Variants in CABIN1 observed in about 807,000 individuals in gnomAD.
CABIN1 encodes calcineurin-binding protein cabin-1.
In CABIN1, 133 loss-of-function variants were observed where a neutral mutation model predicts 227.7. The observed-to-expected ratio is 0.58, with a 90% CI of 0.51 to 0.67. CABIN1 has a LOEUF of 0.67. CABIN1 is among the 30% of genes least tolerant of loss of function. The probability of loss-of-function intolerance (pLI) is 0.00; values close to 1 mark genes in which losing one functional copy is unlikely to be tolerated. For missense variants in CABIN1, 2,408 were observed against 2,852.5 expected (o/e 0.84, Z 3.55); for synonymous variants, 1,086 against 1,155.1 (o/e 0.94, Z 1.21).
intron 2 of CABIN1, 65 bp from the exon 3 acceptor site, chr22:24,036,024 G>C: frequency 9.9e-7 from 1 of 1,005,210 alleles, no homozygotes; most frequent in Non-Finnish European, 1.6e-6. Flanking sequence ...TTCATCTGTG[G>C]GTATTTGAAG....
intron 16 of CABIN1, 25 bp downstream of exon 16, chr22:24,067,206 A>G: frequency 6.2e-7 from 1 of 1,609,836 alleles, no homozygotes; most frequent in Non-Finnish European, 8.5e-7. Flanking sequence ...TGTCCCTCAC[A>G]CCCACTTGCA....
At chr22:24,120,940 C>T (rs1196045615) in intron 28 of CABIN1, among the ~76,000 whole-genome samples, 3 of 152,160 alleles carry the variant, frequency 2.0e-5, no homozygotes, top group East Asian at 1.9e-4. Context: ...TCTGCAAAGA[C>T]ACCTTTTGTG....
intron 1 of CABIN1, among the ~76,000 whole-genome samples, chr22:24,032,939 G>A (rs894359448): frequency 2.6e-5 from 4 of 152,108 alleles, no homozygotes; most frequent in African/African-American, 4.8e-5. Context: ...TTAGCCAGGC[G>A]TGGTGGCAGA....
chr22:24,176,173 A>G lies in CABIN1; in HGVS notation c.6103A>G (p.Ser2035Gly), dbSNP rs982749772. 1 of 1,611,200 alleles carries G rather than the reference A, an allele frequency of 6.2e-7. No homozygotes were observed. The part of the protein sequence containing the change: ...TSFPPQEPRH[S>G]PQVKMAPTSS... ...CTTCCCGCCTCAGGAGCCACGGCAC[A>G]GTCCGCAGGTGAAGATGGCCCCCAC... Residue 2035 changes from serine (S) to glycine (G), a missense_variant, in exon 35 of 37, where the codon AGT becomes GGT. By Grantham distance (56) the Ser-to-Gly change is moderately conservative (BLOSUM62 0). This residue lies in a region of CABIN1 where 714 missense variants were observed against 773.8 expected (regional missense o/e 0.92). Coordinates refer to ENST00000263119, the MANE Select transcript of CABIN1 (RefSeq NM_012295.4).
At chr22:24,134,737 G>C (rs994349067) in intron 29 of CABIN1, among the ~76,000 whole-genome samples, 10 of 152,206 alleles carry the variant, frequency 6.6e-5, no homozygotes, top group African/African-American at 2.4e-4. Flanking sequence ...CCTCCTGCTG[G>C]AGCAGCTCCT....
intron 33 of CABIN1, among the ~76,000 whole-genome samples, chr22:24,169,228 C>T (rs1368007744): frequency 6.6e-6 from 1 of 152,044 alleles, no homozygotes; most frequent in Non-Finnish European, 1.5e-5. Flanking sequence ...GCAGGTGTGC[C>T]CTGTCTAAAA....
chr22:24,047,723 T>C (rs1022965134), intron 6 of CABIN1, among the ~76,000 whole-genome samples: 1 of 152,278 alleles, frequency 6.6e-6, no homozygotes, highest in Non-Finnish European at 1.5e-5. Flanking sequence ...AAGGCTTCCA[T>C]GCGCAGATTT....
At chr22:24,123,813 C>G (rs2147996873) in intron 28 of CABIN1, among the ~76,000 whole-genome samples, 1 of 152,388 alleles carries the variant, frequency 6.6e-6, no homozygotes, top group Admixed American at 6.5e-5. Context: ...CACATTTCTT[C>G]ATAAAATCCT....
In CABIN1 at chr22:24,167,008, C is replaced by T. The variant is rs781674856; in HGVS notation, c.5377C>T (p.Arg1793Trp). ...RPARDRGPES[R>W]PTELSLEELS... ...CGCAAGGGACCGGGGCCCCGAGAGC[C>T]GGCCCACTGAGCTGTCCCTGGAGGA... is the stretch of plus-strand genomic sequence containing the variant. The change falls in exon 32 of 37, where the codon CGG becomes TGG. Residue 1793 changes from arginine (R) to tryptophan (W), a missense_variant. By Grantham distance (101) the Arg-to-Trp change is moderately radical. Transcript: ENST00000263119. 16 of 1,560,278 alleles carry T rather than the reference C, an allele frequency of 1.0e-5. No individual in the cohort carries two copies. In the East Asian group the frequency reaches 3.4e-4, roughly 33 times the overall value.
chr22:24,035,356 G>T, intron 1 of CABIN1, 88 bp from the exon 2 acceptor site: 1 of 872,194 alleles, frequency 1.1e-6, no homozygotes, highest in East Asian at 2.5e-5. Flanking sequence ...TAGAGCTCAG[G>T]GAAGGACTGG....
chr22:24,097,790 G>A (rs530558943), intron 25 of CABIN1, among the ~76,000 whole-genome samples: 2 of 152,298 alleles, frequency 1.3e-5, no homozygotes, highest in South Asian at 2.1e-4. Context: ...GATGCAGGTC[G>A]CGCCCTGCCA....
chr22:24,159,150 C>T (rs1429239170), intron 29 of CABIN1, among the ~76,000 whole-genome samples: 1 of 152,230 alleles, frequency 6.6e-6, no homozygotes, highest in African/African-American at 2.4e-5. Flanking sequence ...CCAGGCTCTG[C>T]TCAAAGGCCT....
chr22:24,086,730 C>T (rs1320110437), intron 22 of CABIN1, among the ~76,000 whole-genome samples: 3 of 152,216 alleles, frequency 2.0e-5, no homozygotes, highest in African/African-American at 7.2e-5. Flanking sequence ...GTCTTGGTGT[C>T]TCTGTGGCCA....
chr22:24,026,583 TTTC>T (rs2036105084), intron 1 of CABIN1, among the ~76,000 whole-genome samples: 1 of 143,618 alleles, frequency 7.0e-6, no homozygotes, highest in African/African-American at 2.8e-5. Flanking sequence ...CAAGGTTCTT[TTTC>T]TTTTTTCTTT....
At chr22:24,055,586 C>G (rs2038732037) in intron 9 of CABIN1, among the ~76,000 whole-genome samples, 1 of 152,168 alleles carries the variant, frequency 6.6e-6, no homozygotes, top group Non-Finnish European at 1.5e-5. Context: ...GCAAAGTTAC[C>G]AACCACCATA....
At chr22:24,176,014 C>A in intron 34 of CABIN1, 97 bp from the exon 35 acceptor site, 2 of 1,387,594 alleles carry the variant, frequency 1.4e-6, no homozygotes, top group East Asian at 2.5e-5. Flanking sequence ...GCCCAGTGTC[C>A]CAGGGCACAA....
chr22:24,108,389 G>A (rs142333282), intron 26 of CABIN1, among the ~76,000 whole-genome samples: 1 of 152,320 alleles, frequency 6.6e-6, no homozygotes, highest in Admixed American at 6.5e-5. Context: ...TCAAGTTTGG[G>A]ACATTTTGTG....
At chr22:24,162,834 G>T (rs2046235216) in intron 29 of CABIN1, among the ~76,000 whole-genome samples, 1 of 152,226 alleles carries the variant, frequency 6.6e-6, no homozygotes, top group Non-Finnish European at 1.5e-5. Context: ...AACTGTGCTG[G>T]TGTGTGTGAT....
intron 19 of CABIN1, among the ~76,000 whole-genome samples, chr22:24,080,092 T>G (rs984814151): frequency 2.6e-5 from 4 of 152,242 alleles, no homozygotes; most frequent in African/African-American, 9.6e-5. Context: ...TGTGTCTGTA[T>G]TCCATCTAAA....
Sources: gnomAD v4.1 joint callset for allele counts (sites outside exome capture counted in the v4.1 genomes callset) on GRCh38, gnomAD v4.1.1 for gene constraint, gnomAD v4.1.1 regional missense constraint, MANE v1.5 for transcripts, NCBI Gene and HGNC (gene_info 2026-07-23, HGNC 2026-07-21) for gene names.